AGBL1: variants seen among roughly 807,000 people sequenced by gnomAD.
AGBL1 encodes the protein cytosolic carboxypeptidase 4.
In AGBL1, 130 loss-of-function variants were observed where a neutral mutation model predicts 118.9. The ratio of observed to expected loss-of-function variants is 1.09; its 90% CI spans 0.95 to 1.26. The LOEUF (loss-of-function observed/expected upper bound fraction) is 1.26, where lower values mean the gene tolerates loss of function less well. Ranked by LOEUF, AGBL1 falls within the 50% of genes most tolerant of loss-of-function variation. The probability of loss-of-function intolerance (pLI) is 0.00; values close to 1 mark genes in which losing one functional copy is unlikely to be tolerated. For missense variants in AGBL1, 1,584 were observed against 1,298.1 expected (o/e 1.22, Z -3.38); for synonymous variants, 555 against 478.9 (o/e 1.16, Z -2.08).
At chr15:86,135,485 C>T (rs1312669049) in intron 1 of AGBL1, among the ~76,000 whole-genome samples, 1 of 152,206 alleles carries the variant, frequency 6.6e-6, no homozygotes, top group Non-Finnish European at 1.5e-5. Context: ...AAAAATTGAG[C>T]TGTGCACCTT....
chr15:86,576,394 C>T (rs2084092434), intron 21 of AGBL1, among the ~76,000 whole-genome samples: 1 of 151,914 alleles, frequency 6.6e-6, no homozygotes, highest in Non-Finnish European at 1.5e-5. Context: ...AAATTATGGA[C>T]AGAAAAAGGA....
At chr15:86,900,134 G>C (rs1164749052) in intron 22 of AGBL1, among the ~76,000 whole-genome samples, 5 of 152,148 alleles carry the variant, frequency 3.3e-5, no homozygotes, top group African/African-American at 4.8e-5. Flanking sequence ...TTCAGCCACA[G>C]ACTGAAGGCG....
At chr15:86,797,073 C>A (rs2078583223) in intron 22 of AGBL1, among the ~76,000 whole-genome samples, 1 of 152,168 alleles carries the variant, frequency 6.6e-6, no homozygotes, top group South Asian at 2.1e-4. Context: ...TCTGAGTTTC[C>A]TCGTCTGTGA....
At chr15:86,740,972 C>T (rs1596433137) in intron 22 of AGBL1, among the ~76,000 whole-genome samples, 3 of 152,160 alleles carry the variant, frequency 2.0e-5, no homozygotes, top group East Asian at 3.9e-4. Flanking sequence ...CCTGCTCAAC[C>T]TCCTCTCTCT....
intron 6 of AGBL1, among the ~76,000 whole-genome samples, chr15:86,233,732 C>G (rs1023910972): frequency 1.3e-5 from 2 of 152,204 alleles, no homozygotes; most frequent in Admixed American, 1.3e-4. Flanking sequence ...GAAGTTTGAC[C>G]TGGAGGAAGA....
At chr15:86,216,815 C>G (rs976718363) in intron 5 of AGBL1, among the ~76,000 whole-genome samples, 5 of 152,140 alleles carry the variant, frequency 3.3e-5, no homozygotes, top group African/African-American at 1.2e-4. Context: ...GAAGCCAAAG[C>G]CCTTATAGTA....
chr15:86,984,103 T>C (rs2081257162), intron 23 of AGBL1, among the ~76,000 whole-genome samples: 1 of 152,150 alleles, frequency 6.6e-6, no homozygotes, highest in African/African-American at 2.4e-5. Flanking sequence ...TTTAAAACAT[T>C]CCCAACGTGT....
chr15:86,665,281 A>G (rs2085623854), intron 21 of AGBL1, among the ~76,000 whole-genome samples: 1 of 152,118 alleles, frequency 6.6e-6, no homozygotes, highest in South Asian at 2.1e-4. Flanking sequence ...TGAAATTTGT[A>G]TTGTTAACGC....
chr15:86,473,962 C>G (rs544476619), intron 18 of AGBL1, among the ~76,000 whole-genome samples: 1 of 152,200 alleles, frequency 6.6e-6, no homozygotes, highest in Admixed American at 6.5e-5. Flanking sequence ...ACCTAGATGA[C>G]TGGTCTGAAT....
intron 22 of AGBL1, among the ~76,000 whole-genome samples, chr15:86,890,768 A>C (rs2080041600): frequency 6.6e-6 from 1 of 152,178 alleles, no homozygotes; most frequent in Admixed American, 6.5e-5. Context: ...TGGTACCAGT[A>C]CCATGCTGTT....
At chr15:87,010,996 T>G (rs1311118321) in intron 24 of AGBL1, among the ~76,000 whole-genome samples, 3 of 152,232 alleles carry the variant, frequency 2.0e-5, no homozygotes, top group Non-Finnish European at 2.9e-5. Flanking sequence ...GGCTAAATGC[T>G]CACCAAACCC....
At chr15:87,007,736 G>C (rs1188416385) in intron 24 of AGBL1, among the ~76,000 whole-genome samples, 3 of 152,180 alleles carry the variant, frequency 2.0e-5, no homozygotes, top group Non-Finnish European at 4.4e-5. Context: ...TCCATCACAG[G>C]AGCAAATGGG....
At chr15:86,138,750 A>C (rs571149812) in intron 1 of AGBL1, among the ~76,000 whole-genome samples, 3 of 152,128 alleles carry the variant, frequency 2.0e-5, no homozygotes, top group East Asian at 3.9e-4. Context: ...ATTTATAATC[A>C]ACTAATGACT....
chr15:86,590,678 A>G (rs2084321912), intron 21 of AGBL1, among the ~76,000 whole-genome samples: 1 of 152,124 alleles, frequency 6.6e-6, no homozygotes. Flanking sequence ...TTTCCTTGAG[A>G]CCTTTAAAGG....
intron 22 of AGBL1, among the ~76,000 whole-genome samples, chr15:86,775,747 A>T (rs530834444): frequency 6.6e-6 from 1 of 152,310 alleles, no homozygotes; most frequent in South Asian, 2.1e-4. Context: ...ACTATATTTT[A>T]TATTAAAATT....
intron 24 of AGBL1, among the ~76,000 whole-genome samples, chr15:87,019,491 T>C (rs2081640683): frequency 6.6e-6 from 1 of 152,076 alleles, no homozygotes; most frequent in Non-Finnish European, 1.5e-5. Flanking sequence ...TATAACTACA[T>C]GGAAATTGAA....
intron 1 of AGBL1, among the ~76,000 whole-genome samples, chr15:86,112,317 C>A (rs534444166): frequency 2.6e-5 from 4 of 152,142 alleles, no homozygotes; most frequent in African/African-American, 9.6e-5. Context: ...TGTCATTCCA[C>A]ATCTTGTTCT....
intron 22 of AGBL1, among the ~76,000 whole-genome samples, chr15:86,693,568 TC>T (rs1230997886): frequency 1.3e-5 from 2 of 152,154 alleles, no homozygotes; most frequent in African/African-American, 2.4e-5. Context: ...TTTACTCTGT[TC>T]CTTTTGCTGT....
At chr15:86,336,260 TG>T (rs2080366976) in intron 17 of AGBL1, among the ~76,000 whole-genome samples, 1 of 152,208 alleles carries the variant, frequency 6.6e-6, no homozygotes, top group Admixed American at 6.5e-5. Flanking sequence ...CTCCAGGCTG[TG>T]ACTTACATTT....
Sources: gnomAD v4.1 joint callset for allele counts (sites outside exome capture counted in the v4.1 genomes callset) on GRCh38, gnomAD v4.1.1 for gene constraint, MANE v1.5 for transcripts, NCBI Gene and HGNC (gene_info 2026-07-23, HGNC 2026-07-21) for gene names.